Variants in PTPRG observed in about 807,000 individuals in gnomAD.
PTPRG encodes the protein receptor-type tyrosine-protein phosphatase gamma.
A neutral mutation model predicts 165.3 loss-of-function variants in PTPRG; 102 were observed. The ratio of observed to expected loss-of-function variants is 0.62; its 90% CI spans 0.53 to 0.73. The LOEUF is 0.73. Ranked by LOEUF, PTPRG falls within the 30% of genes least tolerant of loss-of-function variation. PTPRG has a pLI of 0.00. For missense variants in PTPRG, 1,866 were observed against 1,861.4 expected, an observed-to-expected ratio of 1.00 and a Z score of -0.05; for synonymous variants, 675 against 669.5, an observed-to-expected ratio of 1.01 and a Z score of -0.13.
In PTPRG at chr3:61,901,323, G is replaced by A. The variant is rs971957498; in HGVS notation, c.191-88302G>A. 1.2e-4 allele frequency among the ~76,000 whole-genome samples: 19 copies of A among 152,268 alleles called. No homozygotes were observed. The South Asian group carries it at 1.7e-3, about 13-fold the overall frequency. ...ATTGCAAACAAGGAGTGTGAAGGTT[G>A]GGTTGGTAAGCAAAGAACTGCCTCC... On this transcript the variant is annotated intron_variant, in intron 2 of 29. Transcript: ENST00000474889.
At chr3:61,906,939 T>C (rs1414491317) in intron 2 of PTPRG, among the ~76,000 whole-genome samples, 2 of 152,216 alleles carry the variant, frequency 1.3e-5, no homozygotes, top group Non-Finnish European at 2.9e-5. Flanking sequence ...CCTGGTTTTC[T>C]TTTCAGGAAA....
intron 4 of PTPRG, among the ~76,000 whole-genome samples, chr3:62,017,719 C>A (rs532935801): frequency 6.6e-6 from 1 of 151,954 alleles, no homozygotes; most frequent in East Asian, 1.9e-4. Flanking sequence ...CCACCGCGCC[C>A]GGCTCAGAAA....
intron 3 of PTPRG, among the ~76,000 whole-genome samples, chr3:61,995,281 G>A (rs189886967): frequency 6.6e-6 from 1 of 151,690 alleles, no homozygotes; most frequent in African/African-American, 2.4e-5. Flanking sequence ...TAGAAACAGG[G>A]TTTCTCCATG....
rs1425249648 is a variant in PTPRG at position 61,689,703 on chromosome 3, T to TTC, written c.86-59173_86-59172dup. ...ATCCCAGGTAAGGTAGCATTTGGAT[T>TTC]TCTAGTCTTTATATTTATTGGTGGT... is the stretch of plus-strand genomic sequence containing the variant. On this transcript the variant is annotated intron_variant, in intron 1 of 29. Coordinates refer to ENST00000474889, the MANE Select transcript of PTPRG (RefSeq NM_002841.4). Among the ~76,000 whole-genome samples, 17 of 152,322 alleles carry TTC rather than the reference T, an allele frequency of 1.1e-4. No homozygotes were observed. The East Asian group carries it at 3.3e-3, about 29-fold the overall frequency.
chr3:61,794,698 A>T (rs1055655095), intron 2 of PTPRG, among the ~76,000 whole-genome samples: 81 of 152,360 alleles, frequency 5.3e-4, no homozygotes, highest in African/African-American at 1.9e-3. Flanking sequence ...CAGGTTGTGT[A>T]TTCTGAAAAA....
chr3:62,117,712 ATATC>A (rs1702916170), intron 5 of PTPRG, among the ~76,000 whole-genome samples: 2 of 152,346 alleles, frequency 1.3e-5, no homozygotes, highest in African/African-American at 4.8e-5. Context: ...TATTAATACT[ATATC>A]TACTAATATC....
intron 14 of PTPRG, among the ~76,000 whole-genome samples, chr3:62,239,333 T>TTTTC (rs938573979): frequency 8.6e-5 from 13 of 151,804 alleles, no homozygotes; most frequent in Non-Finnish European, 1.3e-4. Context: ...AAATTCTTTT[T>TTTTC]TTTCTTTCTT....
chr3:62,024,011 G>T (rs1468876467), intron 4 of PTPRG, among the ~76,000 whole-genome samples: 2 of 152,052 alleles, frequency 1.3e-5, no homozygotes, highest in Non-Finnish European at 2.9e-5. Flanking sequence ...CAAGAAAGGG[G>T]GTCTAGCTTT....
chr3:62,046,113 T>C (rs1346320322), intron 4 of PTPRG, among the ~76,000 whole-genome samples: 9 of 152,198 alleles, frequency 5.9e-5, no homozygotes, highest in African/African-American at 2.2e-4. Flanking sequence ...TGGGATGCTC[T>C]AGTTACCTTA....
At chr3:61,804,523 C>T (rs529199065) in intron 2 of PTPRG, among the ~76,000 whole-genome samples, 1 of 152,138 alleles carries the variant, frequency 6.6e-6, no homozygotes, top group East Asian at 1.9e-4. Flanking sequence ...ATTCGGCAAC[C>T]TTTTGTATGA....
intron 2 of PTPRG, chr3:61,749,391 A>T: frequency 3.2e-6 from 1 of 314,912 alleles, no homozygotes; most frequent in South Asian, 2.5e-5. Flanking sequence ...ATGCTCTATT[A>T]GGCTCTAAGC....
At chr3:62,062,985 G>A (rs1700871203) in intron 4 of PTPRG, among the ~76,000 whole-genome samples, 1 of 152,192 alleles carries the variant, frequency 6.6e-6, no homozygotes, top group Non-Finnish European at 1.5e-5. Flanking sequence ...GCCCTGTGGT[G>A]TTAAATACTA....
chr3:61,633,236 A>T (rs1232193566), intron 1 of PTPRG, among the ~76,000 whole-genome samples: 1 of 152,172 alleles, frequency 6.6e-6, no homozygotes, highest in Non-Finnish European at 1.5e-5. Flanking sequence ...TGTGAGTTTC[A>T]TGATGGGAGT....
chr3:61,812,683 C>G (rs966101813), intron 2 of PTPRG, among the ~76,000 whole-genome samples: 3 of 152,226 alleles, frequency 2.0e-5, no homozygotes, highest in East Asian at 1.9e-4. Context: ...CAAAATGACT[C>G]AAGAGTCTTT....
intron 1 of PTPRG, among the ~76,000 whole-genome samples, chr3:61,585,020 C>T (rs529844220): frequency 1.4e-4 from 22 of 152,240 alleles, no homozygotes; most frequent in African/African-American, 5.3e-4. Flanking sequence ...GTGGTTCACG[C>T]CTGTAATCCC....
intron 1 of PTPRG, among the ~76,000 whole-genome samples, chr3:61,746,447 T>C (rs2106905113): frequency 6.6e-6 from 1 of 152,174 alleles, no homozygotes; most frequent in East Asian, 1.9e-4. Flanking sequence ...AATTTTTTTA[T>C]TTTTTGTAGA....
At chr3:61,773,351 G>A (rs2034269508) in intron 2 of PTPRG, among the ~76,000 whole-genome samples, 1 of 151,682 alleles carries the variant, frequency 6.6e-6, no homozygotes, top group Non-Finnish European at 1.5e-5. Context: ...AAGAGGAAGA[G>A]GAAAGATAAA....
chr3:62,273,568 A>G lies in PTPRG; in HGVS notation c.3319-130A>G. 3.5e-6 allele frequency: 3 copies of G among 854,508 alleles called. No homozygotes were observed. The highest frequency in any genetic ancestry group is 5.7e-6 in the Non-Finnish European group (3 of 523,888). The allele number at this position is 854,508 out of a possible 1,614,324, so 52.9% of individuals were successfully genotyped here. On this transcript the variant is annotated intron_variant, in intron 22 of 29. Coordinates refer to ENST00000474889, the MANE Select transcript of PTPRG (RefSeq NM_002841.4). This position sits in a 1 kb window ranked among gnomAD's most constrained non-coding sequence, Gnocchi z 4.1. Reference sequence around the variant, plus strand: ...AAGTGAGTATTGGAGCAAATCACCTAGCTGTAAGTGCTTGAAGGAAATCAC... The same window carrying G: ...AAGTGAGTATTGGAGCAAATCACCTGGCTGTAAGTGCTTGAAGGAAATCAC...
At chr3:61,863,853 C>T (rs1032880075) in intron 2 of PTPRG, among the ~76,000 whole-genome samples, 38 of 152,288 alleles carry the variant, frequency 2.5e-4, no homozygotes, top group African/African-American at 8.7e-4. Flanking sequence ...AGAGACAGTT[C>T]AGCAGGTTGA....
Sources: gnomAD v4.1 joint callset for allele counts (sites outside exome capture counted in the v4.1 genomes callset) on GRCh38, gnomAD v4.1.1 for gene constraint, Gnocchi (gnomAD v3.1) non-coding constraint, MANE v1.5 for transcripts, NCBI Gene and HGNC (gene_info 2026-07-23, HGNC 2026-07-21) for gene names.